The following SLC9A1 variants were observed in gnomAD, a reference collection of about 807,000 sequenced individuals.
SLC9A1 encodes sodium/hydrogen exchanger 1.
A neutral mutation model predicts 67.9 loss-of-function variants in SLC9A1; 22 were observed. The ratio of observed to expected loss-of-function variants is 0.32; its 90% CI spans 0.23 to 0.46. SLC9A1 has a LOEUF of 0.46. SLC9A1 is among the 20% of genes least tolerant of loss of function. The pLI is 1.00. For missense variants in SLC9A1, 686 were observed against 1,094.8 expected (o/e 0.63, Z 5.27); for synonymous variants, 421 against 471.8 (o/e 0.89, Z 1.40).
chr1:27,117,348 G>A (rs1377549491), intron 1 of SLC9A1, among the ~76,000 whole-genome samples: 3 of 152,182 alleles, frequency 2.0e-5, no homozygotes, highest in African/African-American at 4.8e-5. Flanking sequence ...CTGTCCTGGC[G>A]TTAGCACCAA....
rs2083552423 is a variant in SLC9A1, at chr1:27,154,413, G to A, written c.-79C>T. 3.4e-6 allele frequency: 3 copies of A among 870,936 alleles called. No individual in the cohort carries two copies. The highest frequency in any genetic ancestry group is 2.8e-5 in the Admixed American group (1 of 35,166). 54.0% of individuals were successfully genotyped at this position (870,936 alleles called of 1,614,324 possible). A position where few individuals can be genotyped will look rare whatever the true frequency, so the allele number is the denominator to read the frequency against. On this transcript the variant is annotated 5_prime_UTR_variant, in exon 1 of 12. Coordinates refer to ENST00000263980, the MANE Select transcript of SLC9A1 (RefSeq NM_003047.5). ...CACATAGGTAGCAAAGGGTCAGCAAGTGGGAAGAGAGACTGGCGTAGTCTC... is the reference window on the plus strand; with the variant it reads ...CACATAGGTAGCAAAGGGTCAGCAAATGGGAAGAGAGACTGGCGTAGTCTC...
rs952129356 is a variant in SLC9A1, at chr1:27,100,742, T to G, written c.2111-98A>C. The G allele has an allele frequency of 9.3e-6, 9 of 967,688 alleles. No individual in the cohort carries two copies. Among genetic ancestry groups the G allele is most frequent in the Non-Finnish European group, 1.1e-5 (7 of 642,228 alleles). The allele number at this position is 967,688 out of a possible 1,614,324, so 59.9% of individuals were successfully genotyped here. A position where few individuals can be genotyped will look rare whatever the true frequency, so the allele number is the denominator to read the frequency against. On this transcript the variant is annotated intron_variant, in intron 11 of 11. Transcript: ENST00000263980. This position sits in a 1 kb window ranked among gnomAD's most constrained non-coding sequence, Gnocchi z 5.6. ...TCAGTGCCTCCTTCAGGCCTTCTCA[T>G]GAGCACAGCCGTCCCGGTCCCAACA...
At chr1:27,150,177 G>A (rs554846798) in intron 1 of SLC9A1, among the ~76,000 whole-genome samples, 1 of 152,282 alleles carries the variant, frequency 6.6e-6, no homozygotes, top group African/African-American at 2.4e-5. Context: ...ACCAGTTGCT[G>A]GGTCTGATAT....
At chr1:27,102,802 C>G in intron 6 of SLC9A1, 59 bp from the exon 7 acceptor site, 1 of 1,443,742 alleles carries the variant, frequency 6.9e-7, no homozygotes, top group African/African-American at 1.4e-5. Flanking sequence ...CTACCAAGAC[C>G]TCTGACTAGC....
intron 1 of SLC9A1, among the ~76,000 whole-genome samples, chr1:27,144,079 GA>G (rs1263816748): frequency 6.6e-6 from 1 of 152,138 alleles, no homozygotes; most frequent in African/African-American, 2.4e-5. Flanking sequence ...ATCTGCCATA[GA>G]AAGGAGATTC....
rs143944969 is a variant in SLC9A1 at position 27,102,102 on chromosome 1, C to T, written c.1849G>A (p.Glu617Lys). 1.0e-4 allele frequency: 165 copies of T among 1,613,848 alleles called. No individual in the cohort carries two copies. Among genetic ancestry groups the T allele is most frequent in the Non-Finnish European group, 1.4e-4 (160 of 1,179,970 alleles). Residue 617 changes from glutamate to lysine, a missense_variant, in exon 9 of 12, where the codon GAG becomes AAG. Physicochemically the swap from Glu to Lys is moderately conservative, Grantham distance 56. Coordinates refer to ENST00000263980, the MANE Select transcript of SLC9A1 (RefSeq NM_003047.5). ...TTGGACAGTGCTGGCAGGATGCGCT[C>T]GGAAGGCAGGGACTTGGGGTGGATG... ...QNIHPKSLPS[E>K]RILPALSKDK...
chr1:27,099,370 A>T lies in SLC9A1; in HGVS notation c.*937T>A, dbSNP rs1162306084. ...GAGTGGGAGTTACTTCTGATGTCACAGTCTTCGAGCAACAGTTAAGAGCCC... is the reference window on the plus strand; with the variant it reads ...GAGTGGGAGTTACTTCTGATGTCACTGTCTTCGAGCAACAGTTAAGAGCCC... On this transcript the variant is annotated 3_prime_UTR_variant, in exon 12 of 12. Coordinates refer to ENST00000263980, the MANE Select transcript of SLC9A1 (RefSeq NM_003047.5). 6.5e-6 allele frequency: 1 copy of T among 152,858 alleles called. No homozygotes were observed. Among genetic ancestry groups the T allele is most frequent in the African/African-American group, 2.4e-5 (1 of 41,458 alleles). 9.5% of individuals were successfully genotyped at this position (152,858 alleles called of 1,614,324 possible).
rs568335244 is a variant in SLC9A1 at position 27,116,500 on chromosome 1, C to A, written c.353-2214G>T. ...AAAAAAAGATGTCTCCATCCTAGGC[C>A]AAGAGGACCTCGAAGGCACCATGTG... On this transcript the variant is annotated intron_variant, in intron 1 of 11. Transcript: ENST00000263980. 5.3e-5 allele frequency among the ~76,000 whole-genome samples: 8 copies of A among 152,348 alleles called. No individual in the cohort carries two copies. In the East Asian group the frequency reaches 1.5e-3, roughly 29 times the overall value.
At chr1:27,133,567 G>C (rs1175066780) in intron 1 of SLC9A1, among the ~76,000 whole-genome samples, 2 of 152,116 alleles carry the variant, frequency 1.3e-5, no homozygotes, top group African/African-American at 4.8e-5. Flanking sequence ...GAGTGAGCCT[G>C]GTGGGAGCAG....
At chr1:27,128,705 C>T (rs1210347707) in intron 1 of SLC9A1, among the ~76,000 whole-genome samples, 2 of 151,270 alleles carry the variant, frequency 1.3e-5, no homozygotes, top group East Asian at 3.9e-4. Flanking sequence ...TGCCTATAAT[C>T]CCAGCACTTT....
rs760629405 is a variant in SLC9A1 at position 27,100,398 on chromosome 1, G to A, written c.2357C>T (p.Pro786Leu). The A allele has an allele frequency of 2.1e-5, 33 of 1,601,788 alleles. No homozygotes were observed. The Admixed American group carries it at 5.1e-4, about 25-fold the overall frequency. Residue 786 changes from proline (P) to leucine (L), a missense_variant, in exon 12 of 12, where the codon CCC becomes CTC. By Grantham distance (98) the Pro-to-Leu change is moderately conservative (BLOSUM62 -3). Around this residue, in one of 7 missense-constraint regions of SLC9A1, gnomAD observed 226 missense variants for 282.4 expected, o/e 0.80. Transcript: ENST00000263980. This position sits in a 1 kb window ranked among gnomAD's most constrained non-coding sequence, Gnocchi z 5.6. ...GCAGCGCTGTATCCTCTGGGAGCTG[G>A]GGCTGTCACTGGGCGCGGGGGTGAA... ...DVFTPAPSDS[P>L]SSQRIQRCLS...
At position 27,132,872 on chromosome 1, in the gene SLC9A1, G is replaced by A. The variant is rs183574964; in HGVS notation, c.353-18586C>T. On this transcript the variant is annotated intron_variant, in intron 1 of 11. Transcript: ENST00000263980. ...ATGAGCTGTGGCTCCAGGGAAGGGC[G>A]GACGCTGGAGCACCAGGAGCCATTT... is the stretch of plus-strand genomic sequence containing the variant. Among the ~76,000 whole-genome samples, 171 of 152,260 alleles carry A rather than the reference G, an allele frequency of 1.1e-3. 1 individual carries two copies. The highest frequency in any genetic ancestry group is 3.8e-3 in the African/African-American group (159 of 41,540).
chr1:27,122,812 G>C (rs2083313204), intron 1 of SLC9A1, among the ~76,000 whole-genome samples: 1 of 152,194 alleles, frequency 6.6e-6, no homozygotes, highest in African/African-American at 2.4e-5. Context: ...AAAGGCACTG[G>C]ATCAAGAGTC....
intron 1 of SLC9A1, among the ~76,000 whole-genome samples, chr1:27,120,535 C>T (rs1257559904): frequency 6.6e-6 from 1 of 151,636 alleles, no homozygotes; most frequent in African/African-American, 2.4e-5. Context: ...GTCAGGAGTT[C>T]TAGACCACAG....
intron 2 of SLC9A1, among the ~76,000 whole-genome samples, chr1:27,110,196 A>T (rs1417261615): frequency 6.6e-6 from 1 of 152,168 alleles, no homozygotes; most frequent in Non-Finnish European, 1.5e-5. Context: ...TCGGAGCCTT[A>T]CCTGATGCAG....
At chr1:27,108,787 C>A (rs1373098102) in intron 3 of SLC9A1, among the ~76,000 whole-genome samples, 4 of 152,202 alleles carry the variant, frequency 2.6e-5, no homozygotes, top group Non-Finnish European at 4.4e-5. Flanking sequence ...AAAGCCTGCA[C>A]CTTTGCCCCA....
chr1:27,152,756 A>G (rs2083538322), intron 1 of SLC9A1, among the ~76,000 whole-genome samples: 1 of 152,126 alleles, frequency 6.6e-6, no homozygotes, highest in Non-Finnish European at 1.5e-5. Flanking sequence ...GATCTGTCAA[A>G]TTAGAGGCAC....
At chr1:27,120,314 A>C (rs1280402659) in intron 1 of SLC9A1, among the ~76,000 whole-genome samples, 1 of 151,478 alleles carries the variant, frequency 6.6e-6, no homozygotes, top group East Asian at 2.0e-4. Flanking sequence ...TTAATAGAGG[A>C]GGGGTTTCGC....
At position 27,102,564 on chromosome 1, in the gene SLC9A1, G is replaced by GGGA. The variant is rs373443896; in HGVS notation, c.1647-9_1647-7dup. 2.0e-4 allele frequency: 321 copies of GGGA among 1,608,426 alleles called. 1 individual carries two copies. In the African/African-American group the frequency reaches 3.6e-3, roughly 18 times the overall value. ...TCTTATTAAACCGGTTGAGCCTGGTGGGAGGAGGAGGGAGACGGATGGCGC... is the reference window on the plus strand; with the variant it reads ...TCTTATTAAACCGGTTGAGCCTGGTGGGAGGAGGAGGAGGGAGACGGATGGCGC... On this transcript the variant is annotated splice_polypyrimidine_tract_variant and splice_region_variant and intron_variant, in intron 7 of 11. Transcript: ENST00000263980.
Sources: gnomAD v4.1 joint callset for allele counts (sites outside exome capture counted in the v4.1 genomes callset) on GRCh38, gnomAD v4.1.1 for gene constraint, gnomAD v4.1.1 regional missense constraint, Gnocchi (gnomAD v3.1) non-coding constraint, MANE v1.5 for transcripts, NCBI Gene and HGNC (gene_info 2026-07-23, HGNC 2026-07-21) for gene names.